The following DAAM2 variants were observed in gnomAD, a reference collection of about 807,000 sequenced individuals.
DAAM2 encodes the protein dishevelled associated activator of morphogenesis 2.
Under a neutral mutation model 120.7 loss-of-function variants are expected in DAAM2, and 39 were observed. The ratio of observed to expected loss-of-function variants is 0.32; its 90% CI spans 0.25 to 0.42. The LOEUF is 0.42. Ranked by LOEUF, DAAM2 falls within the 10% of genes least tolerant of loss-of-function variation. DAAM2 has a pLI of 1.00. For missense variants in DAAM2, 1,283 were observed against 1,401.7 expected (o/e 0.92, Z 1.35); for synonymous variants, 488 against 524.9 (o/e 0.93, Z 0.96).
intron 19 of DAAM2, among the ~76,000 whole-genome samples, chr6:39,895,077 T>G (rs2149367235): frequency 6.6e-6 from 1 of 152,306 alleles, no homozygotes; most frequent in South Asian, 2.1e-4. Flanking sequence ...GAATACACCA[T>G]AATTTACCCA....
chr6:39,796,262 A>G (rs1393021136), intron 1 of DAAM2, among the ~76,000 whole-genome samples: 1 of 152,080 alleles, frequency 6.6e-6, no homozygotes, highest in African/African-American at 2.4e-5. Context: ...GACATTTAAG[A>G]TTTTGAAGAT....
intron 8 of DAAM2, 89 bp downstream of exon 8, chr6:39,870,532 C>G: frequency 1.2e-6 from 1 of 825,988 alleles, no homozygotes; most frequent in South Asian, 1.5e-5. Flanking sequence ...GGCTGCCCTT[C>G]CCTCTGGAGA....
In DAAM2 at chr6:39,887,555, G is replaced by A; in HGVS notation, c.2023G>A (p.Gly675Ser). The A allele has an allele frequency of 1.9e-6, 3 of 1,613,848 alleles. No individual in the cohort carries two copies. In the South Asian group the frequency reaches 3.3e-5, roughly 18 times the overall value. Residue 675 changes from glycine (G) to serine (S), a missense_variant, in exon 16 of 25, where the codon GGC (glycine) becomes AGC (serine). Physicochemically the swap from Gly to Ser is moderately conservative, Grantham distance 56. Around this residue, in one of 3 missense-constraint regions of DAAM2, gnomAD observed 748 missense variants for 768.6 expected, o/e 0.97. Coordinates refer to ENST00000274867, the MANE Select transcript of DAAM2 (RefSeq NM_001201427.2). ...RKVKELSVIDGRRAQNCIILL... is the reference protein window; with the variant it reads ...RKVKELSVIDSRRAQNCIILL... ...GGTCAAAGAGCTGTCGGTCATTGATGGCCGGAGGGCCCAAAACTGCATCAT... is the reference window on the plus strand; with the variant it reads ...GGTCAAAGAGCTGTCGGTCATTGATAGCCGGAGGGCCCAAAACTGCATCAT...
At chr6:39,833,692 G>T (rs961184359) in intron 1 of DAAM2, among the ~76,000 whole-genome samples, 2 of 152,006 alleles carry the variant, frequency 1.3e-5, no homozygotes, top group African/African-American at 4.8e-5. Context: ...GCACCATTTT[G>T]TTCTGGAAGC....
intron 1 of DAAM2, among the ~76,000 whole-genome samples, chr6:39,830,665 C>T (rs1184558974): frequency 6.6e-6 from 1 of 152,164 alleles, no homozygotes. Flanking sequence ...GGACCCAGGC[C>T]TGCGGAGGTT....
At chr6:39,856,494 C>A in intron 2 of DAAM2, 24 bp downstream of exon 2, 1 of 1,405,712 alleles carries the variant, frequency 7.1e-7, no homozygotes, top group Non-Finnish European at 9.3e-7. Flanking sequence ...TGGGGAGAGA[C>A]AGTGACAATG....
chr6:39,899,077 C>T (rs1024710973), intron 22 of DAAM2, 140 bp downstream of exon 22: 4 of 670,262 alleles, frequency 6.0e-6, no homozygotes, highest in Non-Finnish European at 1.1e-5. Flanking sequence ...CAAAGGATAA[C>T]TGGATTACTG....
intron 1 of DAAM2, among the ~76,000 whole-genome samples, chr6:39,834,978 G>A (rs1423823890): frequency 1.3e-5 from 2 of 152,130 alleles, no homozygotes; most frequent in Non-Finnish European, 2.9e-5. Flanking sequence ...AATAGCCAGC[G>A]GTATTAGGTG....
At chr6:39,864,627 T>C in intron 4 of DAAM2, 120 bp downstream of exon 4, 1 of 729,736 alleles carries the variant, frequency 1.4e-6, no homozygotes, top group Non-Finnish European at 2.2e-6. Flanking sequence ...AGCGCCCCAC[T>C]GCCCACTCAC....
chr6:39,904,136 T>A lies in DAAM2; in HGVS notation c.*2099T>A, dbSNP rs912540497. 6.6e-6 allele frequency: 3 copies of A among 453,818 alleles called. No homozygotes were observed. Among genetic ancestry groups the A allele is most frequent in the African/African-American group, 6.0e-5 (3 of 49,860 alleles). The allele number at this position is 453,818 out of a possible 1,614,324, so 28.1% of individuals were successfully genotyped here. ...TTCCCACCCACCATGGAAGACTGGA[T>A]ACGCACCTGGAAACAAAAGGACTAT... On this transcript the variant is annotated 3_prime_UTR_variant, in exon 25 of 25. Coordinates refer to ENST00000274867, the MANE Select transcript of DAAM2 (RefSeq NM_001201427.2).
intron 1 of DAAM2, among the ~76,000 whole-genome samples, chr6:39,844,621 A>G (rs1289229710): frequency 6.6e-6 from 1 of 152,128 alleles, no homozygotes; most frequent in Non-Finnish European, 1.5e-5. Context: ...CCCAGGCCAT[A>G]GTGTGGTTCA....
At chr6:39,827,312 C>T (rs570048941) in intron 1 of DAAM2, among the ~76,000 whole-genome samples, 5 of 152,134 alleles carry the variant, frequency 3.3e-5, no homozygotes, top group Non-Finnish European at 5.9e-5. Flanking sequence ...TCATTCTCAA[C>T]GTCTTGTGCA....
In DAAM2 at chr6:39,887,476, T is replaced by C. The variant is rs1177680644; in HGVS notation, c.1954-10T>C. The C allele has an allele frequency of 1.9e-6, 3 of 1,607,374 alleles. No homozygotes were observed. Among genetic ancestry groups the C allele is most frequent in the Non-Finnish European group, 1.7e-6 (2 of 1,175,134 alleles). On this transcript the variant is annotated splice_polypyrimidine_tract_variant and intron_variant, in intron 15 of 24. Transcript: ENST00000274867. ...ACACCTCAACTGTCCACTTGACTTG[T>C]TGGTTGCAGAAAGAGCTGGGCTCCA...
intron 19 of DAAM2, among the ~76,000 whole-genome samples, chr6:39,893,852 G>T (rs1336119267): frequency 1.3e-5 from 2 of 152,150 alleles, no homozygotes; most frequent in Admixed American, 1.3e-4. Context: ...CTCCCAGGAA[G>T]TATTCCTGGA....
At chr6:39,811,174 AGTGTGTGTGT>A (rs59432565) in intron 1 of DAAM2, among the ~76,000 whole-genome samples, 14 of 146,560 alleles carry the variant, frequency 9.6e-5, no homozygotes, top group African/African-American at 2.6e-4. Context: ...AACTGAAGGG[AGTGTGTGTGT>A]GTGTGTGTGT....
chr6:39,803,550 G>A (rs1761928568), intron 1 of DAAM2, among the ~76,000 whole-genome samples: 1 of 152,166 alleles, frequency 6.6e-6, no homozygotes, highest in Non-Finnish European at 1.5e-5. Flanking sequence ...TCACAGATGA[G>A]GAGACTGAGG....
At position 39,896,830 on chromosome 6, in the gene DAAM2, G is replaced by A. The variant is rs755855108; in HGVS notation, c.2360G>A (p.Arg787Gln). The A allele has an allele frequency of 1.1e-5, 18 of 1,602,032 alleles. No homozygotes were observed. Among genetic ancestry groups the A allele is most frequent in the South Asian group, 5.6e-5 (5 of 89,486 alleles). ...CTCCCAGCCATCCTGTTGGCCTCCC[G>A]GGAGCTGGTCCGCAGCAAGCGTCTT... ...PKVEAILLASRELVRSKRLRQ... is the reference protein window; with the variant it reads ...PKVEAILLASQELVRSKRLRQ... The change falls in exon 20 of 25, where the codon CGG becomes CAG. Residue 787 changes from arginine to glutamine, a missense_variant. Arg to Gln is a conservative substitution (Grantham distance 43). Transcript: ENST00000274867.
rs11965120 is a variant in DAAM2 at position 39,856,329 on chromosome 6, T to A, written c.27T>A (p.His9Gln). The A allele has an allele frequency of 2.9e-5, 45 of 1,548,944 alleles. No homozygotes were observed. The highest frequency in any genetic ancestry group is 3.7e-5 in the Non-Finnish European group (42 of 1,147,716). The change falls in exon 2 of 25, where the codon CAT (histidine) becomes CAA (glutamine). Residue 9 changes from histidine (H) to glutamine (Q), a missense_variant. His to Gln is a conservative substitution (Grantham distance 24, BLOSUM62 0). Around this residue, in one of 3 missense-constraint regions of DAAM2, gnomAD observed 197 missense variants for 189.3 expected, o/e 1.04. Transcript: ENST00000274867. MAPRKRSH[H>Q]GLGFLCCFGG... is the part of the protein sequence containing the mutation. ...TGGCCCCCCGCAAGAGGAGCCACCA[T>A]GGCCTGGGCTTCCTGTGCTGCTTCG...
At chr6:39,861,274 G>C in intron 3 of DAAM2, 2 of 519,042 alleles carry the variant, frequency 3.9e-6, no homozygotes, top group Non-Finnish European at 7.2e-6. Context: ...CTTGCTGGGA[G>C]ACAGACAAAG....
Sources: allele counts gnomAD v4.1 joint callset (sites outside exome capture counted in the v4.1 genomes callset), GRCh38; gene constraint gnomAD v4.1.1; regional missense constraint gnomAD v4.1.1; transcripts MANE v1.5; gene names NCBI Gene and HGNC (gene_info 2026-07-23, HGNC 2026-07-21).